The following DESI1 variants were observed in gnomAD, a reference collection of about 807,000 sequenced individuals.
The protein encoded by DESI1 is desumoylating isopeptidase 1.
Under a neutral mutation model 22.4 loss-of-function variants are expected in DESI1, and 17 were observed. The observed-to-expected ratio is 0.76, with a 90% CI of 0.52 to 1.14. DESI1 has a LOEUF of 1.14. Ranked by LOEUF, DESI1 falls within the 50% of genes most tolerant of loss-of-function variation. The pLI, the probability that DESI1 is intolerant of heterozygous loss-of-function variation, is 0.00. For synonymous variants in DESI1, 92 were observed against 84.2 expected, an observed-to-expected ratio of 1.09 and a Z score of -0.51; for missense variants, 177 against 208.9, an observed-to-expected ratio of 0.85 and a Z score of 0.94.
At chr22:41,605,996 G>C (rs2067477339) in intron 3 of DESI1, among the ~76,000 whole-genome samples, 1 of 152,198 alleles carries the variant, frequency 6.6e-6, no homozygotes, top group Admixed American at 6.6e-5. Flanking sequence ...AATGAGAAGA[G>C]AGTGAGGGTT....
chr22:41,598,844 G>A lies in DESI1; in HGVS notation c.*2253C>T, dbSNP rs2067434455. ...AGCCTCAGAAATTCTTTCTCTTTGGGCCCAATTCTGCTAGTAGATCACGAT... is the reference window on the plus strand; with the variant it reads ...AGCCTCAGAAATTCTTTCTCTTTGGACCCAATTCTGCTAGTAGATCACGAT... On this transcript the variant is annotated 3_prime_UTR_variant, in exon 6 of 6. Coordinates refer to ENST00000263256, the MANE Select transcript of DESI1 (RefSeq NM_015704.3). 1 of 152,314 alleles carries A rather than the reference G, an allele frequency of 6.6e-6. No individual in the cohort carries two copies. Among genetic ancestry groups the A allele is most frequent in the Non-Finnish European group, 1.5e-5 (1 of 68,122 alleles). The allele number at this position is 152,314 out of a possible 1,614,324, so 9.4% of individuals were successfully genotyped here. A position where few individuals can be genotyped will look rare whatever the true frequency, so the allele number is the denominator to read the frequency against.
intron 2 of DESI1, 135 bp from the exon 3 acceptor site, chr22:41,607,466 A>T: frequency 1.3e-6 from 1 of 784,662 alleles, no homozygotes; most frequent in Non-Finnish European, 2.0e-6. Flanking sequence ...CAACAAACCA[A>T]AGGTATGAAT....
rs1044639965 is a variant in DESI1, at chr22:41,603,740, T to C, written c.290+304A>G. Among the ~76,000 whole-genome samples, 4 of 152,364 alleles carry C rather than the reference T, an allele frequency of 2.6e-5. No individual in the cohort carries two copies. The East Asian group carries it at 7.7e-4, about 29-fold the overall frequency. ...CCCAACCCTTCTGCAAACCCTGTTT[T>C]TCCTTCTGCAAACTTGGCCAATACA... On this transcript the variant is annotated intron_variant, in intron 4 of 5. Transcript: ENST00000263256.
intron 1 of DESI1, among the ~76,000 whole-genome samples, chr22:41,610,885 A>AG (rs1215358248): frequency 6.6e-6 from 1 of 151,440 alleles, no homozygotes; most frequent in Non-Finnish European, 1.5e-5. Context: ...AAAAAAAAAA[A>AG]AAGACCACAA....
intron 3 of DESI1, among the ~76,000 whole-genome samples, chr22:41,605,574 A>G (rs141126882): frequency 1.3e-5 from 2 of 152,340 alleles, no homozygotes; most frequent in East Asian, 3.9e-4. Context: ...ATTATCTCAG[A>G]GTTGTAAGAA....
At chr22:41,604,252 T>C (rs2067466278) in intron 3 of DESI1, 99 bp from the exon 4 acceptor site, 3 of 173,200 alleles carry the variant, frequency 1.7e-5, no homozygotes, top group Middle Eastern at 7.1e-4. Context: ...TGTTCTGACT[T>C]TTTTTTTTTT....
chr22:41,620,976 A>C lies in DESI1; in HGVS notation c.-137T>G. On this transcript the variant is annotated 5_prime_UTR_variant, in exon 1 of 6. Transcript: ENST00000263256. ...GGGCCCGGGCTGAGGGGTGGGGGAG[A>C]GGCCGCCCTGCGCTGCTCGCGCCCC... 1 of 904,274 alleles carries C rather than the reference A, an allele frequency of 1.1e-6. No individual in the cohort carries two copies. Among genetic ancestry groups the C allele is most frequent in the East Asian group, 2.7e-5 (1 of 36,570 alleles). The allele number at this position is 904,274 out of a possible 1,614,324, so 56.0% of individuals were successfully genotyped here.
At chr22:41,616,284 T>A (rs769081285) in intron 1 of DESI1, among the ~76,000 whole-genome samples, 15 of 152,154 alleles carry the variant, frequency 9.9e-5, no homozygotes, top group African/African-American at 1.4e-4. Context: ...TCACGTCATA[T>A]CTTTTATTTC....
At chr22:41,620,640 T>G in intron 1 of DESI1, 112 bp downstream of exon 1, 1 of 1,083,016 alleles carries the variant, frequency 9.2e-7, no homozygotes, top group Non-Finnish European at 1.3e-6. Flanking sequence ...TCTTCCATCC[T>G]CCTGGCCATG....
chr22:41,617,470 A>G (rs2067557543), intron 1 of DESI1, among the ~76,000 whole-genome samples: 1 of 152,246 alleles, frequency 6.6e-6, no homozygotes, highest in Admixed American at 6.5e-5. Flanking sequence ...GATTTTTTAA[A>G]GGTTCAAATG....
intron 1 of DESI1, among the ~76,000 whole-genome samples, chr22:41,608,664 C>CA (rs1470624677): frequency 6.6e-6 from 1 of 152,064 alleles, no homozygotes; most frequent in South Asian, 2.1e-4. Context: ...GGCCTGGACT[C>CA]AAAGAGGCTG....
At chr22:41,620,689 G>T in intron 1 of DESI1, 63 bp downstream of exon 1, 2 of 1,507,314 alleles carry the variant, frequency 1.3e-6, no homozygotes, top group South Asian at 1.2e-5. Flanking sequence ...TCCCCACCTC[G>T]GCCAGCCGCC....
intron 4 of DESI1, 37 bp from the exon 5 acceptor site, chr22:41,603,418 A>G (rs745645790): frequency 6.2e-7 from 1 of 1,613,602 alleles, no homozygotes; most frequent in Non-Finnish European, 8.5e-7. Flanking sequence ...TATATGAGAA[A>G]CCAGCAAGCG....
chr22:41,620,945 G>C lies in DESI1; in HGVS notation c.-106C>G. 1 of 1,323,624 alleles carries C rather than the reference G, an allele frequency of 7.6e-7. No homozygotes were observed. The allele number at this position is 1,323,624 out of a possible 1,614,324, so 82.0% of individuals were successfully genotyped here. A position where few individuals can be genotyped will look rare whatever the true frequency, so the allele number is the denominator to read the frequency against. The stretch of plus-strand genomic sequence containing the variant: ...CGAAGCGGAGGGAGAGGGGGGGACC[G>C]AGCCCGGGCCCGGGCTGAGGGGTGG... On this transcript the variant is annotated 5_prime_UTR_variant, in exon 1 of 6. Transcript: ENST00000263256.
Position 41,601,137 on chromosome 22 carries a change from G to C in DESI1, c.467C>G (p.Pro156Arg). 1.2e-6 allele frequency: 2 copies of C among 1,613,468 alleles called. No individual in the cohort carries two copies. Among genetic ancestry groups the C allele is most frequent in the Non-Finnish European group, 1.7e-6 (2 of 1,179,828 alleles). ...GGGTCTGCCCACGGAGCTCCCTCCT[G>C]GAGGCTGGATCTGAATGGAGTCCAG... Reference protein sequence around the residue: ...PLLDSIQIQPPGGSSVGRPNG... With the variant: ...PLLDSIQIQPRGGSSVGRPNG... The change falls in exon 6 of 6, where the codon CCA becomes CGA. Residue 156 changes from proline to arginine, a missense_variant. Coordinates refer to ENST00000263256, the MANE Select transcript of DESI1 (RefSeq NM_015704.3).
intron 1 of DESI1, among the ~76,000 whole-genome samples, chr22:41,616,641 G>A (rs2067552778): frequency 6.6e-6 from 1 of 151,950 alleles, no homozygotes; most frequent in South Asian, 2.1e-4. Context: ...AGGAGGAACT[G>A]AAGGACACTT....
intron 1 of DESI1, among the ~76,000 whole-genome samples, chr22:41,612,960 G>A (rs2067527373): frequency 6.6e-6 from 1 of 152,124 alleles, no homozygotes; most frequent in Non-Finnish European, 1.5e-5. Flanking sequence ...GGCCAGTGAA[G>A]TTAGAATGGG....
At position 41,599,058 on chromosome 22, in the gene DESI1, C is replaced by T. The variant is rs1601506001; in HGVS notation, c.*2039G>A. On this transcript the variant is annotated 3_prime_UTR_variant, in exon 6 of 6. Transcript: ENST00000263256. ...CAAACACTAAGGCAGAATGACAGCT[C>T]CTCTAGCTGAGACTCTGATGATGCC... The T allele has an allele frequency of 6.6e-6, 1 of 152,178 alleles. No individual in the cohort carries two copies. The highest frequency in any genetic ancestry group is 2.4e-5 in the African/African-American group (1 of 41,408). 9.4% of individuals were successfully genotyped at this position (152,178 alleles called of 1,614,324 possible).
chr22:41,604,273 T>A (rs1601509127), intron 3 of DESI1, 120 bp from the exon 4 acceptor site: 10 of 638,082 alleles, frequency 1.6e-5, no homozygotes, highest in East Asian at 8.2e-5. Context: ...TTTTTTTTTT[T>A]AGACGGAGTT....
Sources: gnomAD v4.1 joint callset for allele counts (sites outside exome capture counted in the v4.1 genomes callset) on GRCh38, gnomAD v4.1.1 for gene constraint, MANE v1.5 for transcripts, NCBI Gene and HGNC (gene_info 2026-07-23, HGNC 2026-07-21) for gene names.